NLGN1: variants seen among roughly 807,000 people sequenced by gnomAD.
The protein encoded by NLGN1 is neuroligin 1, also known as neuroligin-1.
A neutral mutation model predicts 65.5 loss-of-function variants in NLGN1; 12 were observed. That is an observed-to-expected ratio of 0.18 (90% confidence interval 0.12 to 0.30). The LOEUF (loss-of-function observed/expected upper bound fraction) is 0.30. Among genes scored for constraint, NLGN1 ranks in the 10% least tolerant of loss-of-function variants. The pLI is 1.00. For missense variants in NLGN1, 750 were observed against 1,007.1 expected (o/e 0.74, Z 3.46); for synonymous variants, 350 against 359.5 (o/e 0.97, Z 0.30).
At chr3:174,079,168 C>G (rs1032941536) in intron 4 of NLGN1, among the ~76,000 whole-genome samples, 1 of 150,936 alleles carries the variant, frequency 6.6e-6, no homozygotes, top group African/African-American at 2.4e-5. Flanking sequence ...CCAGCATCTA[C>G]AAGACACTGA....
intron 4 of NLGN1, among the ~76,000 whole-genome samples, chr3:174,039,424 G>GC (rs1731814965): frequency 1.3e-5 from 2 of 150,814 alleles, no homozygotes; most frequent in Admixed American, 6.6e-5. Flanking sequence ...CTCTCCCCTT[G>GC]CCCCCCATCC....
intron 2 of NLGN1, among the ~76,000 whole-genome samples, chr3:173,512,640 C>T (rs748806753): frequency 2.6e-5 from 4 of 152,114 alleles, no homozygotes; most frequent in Non-Finnish European, 4.4e-5. Flanking sequence ...AAGAACCAAT[C>T]GGGAGAGAGT....
chr3:174,130,515 A>C (rs980187668), intron 4 of NLGN1, among the ~76,000 whole-genome samples: 1 of 152,158 alleles, frequency 6.6e-6, no homozygotes, highest in Non-Finnish European at 1.5e-5. Flanking sequence ...TGGGTGTAAT[A>C]TAATGAAAGA....
intron 4 of NLGN1, among the ~76,000 whole-genome samples, chr3:174,123,444 C>T (rs536585260): frequency 6.6e-6 from 1 of 152,194 alleles, no homozygotes; most frequent in Admixed American, 6.6e-5. Flanking sequence ...TACAATTCTG[C>T]CTTGGGGTTT....
intron 2 of NLGN1, among the ~76,000 whole-genome samples, chr3:173,445,034 C>A (rs1421990779): frequency 2.6e-5 from 4 of 151,120 alleles, no homozygotes; most frequent in Non-Finnish European, 5.9e-5. Flanking sequence ...TTTGGGAGGC[C>A]GAGGCGGGCG....
intron 3 of NLGN1, among the ~76,000 whole-genome samples, chr3:173,698,959 C>A (rs534052695): frequency 1.3e-5 from 2 of 152,214 alleles, no homozygotes; most frequent in Admixed American, 6.5e-5. Flanking sequence ...CAGGTTCAAG[C>A]GATTCTCCTG....
chr3:174,194,415 C>T (rs1373744976), intron 4 of NLGN1, among the ~76,000 whole-genome samples: 1 of 150,850 alleles, frequency 6.6e-6, no homozygotes, highest in East Asian at 2.0e-4. Flanking sequence ...CACCACTGAA[C>T]TCCAGCCTGG....
intron 4 of NLGN1, among the ~76,000 whole-genome samples, chr3:173,809,974 A>C (rs930774708): frequency 6.6e-6 from 1 of 152,082 alleles, no homozygotes; most frequent in South Asian, 2.1e-4. Context: ...CCTCTCCTTT[A>C]TTTCTCTTAA....
intron 3 of NLGN1, among the ~76,000 whole-genome samples, chr3:173,620,665 A>G (rs1405895078): frequency 6.6e-6 from 1 of 152,120 alleles, no homozygotes; most frequent in Non-Finnish European, 1.5e-5. Context: ...AGACATCTAT[A>G]TGAATTTATT....
chr3:173,473,895 C>G (rs1483636636), intron 2 of NLGN1, among the ~76,000 whole-genome samples: 1 of 152,148 alleles, frequency 6.6e-6, no homozygotes, highest in Admixed American at 6.5e-5. Context: ...GGCAGATTTC[C>G]TACCTCTGAA....
chr3:174,276,852 A>ATTG (rs1316295582), intron 5 of NLGN1, among the ~76,000 whole-genome samples: 1 of 151,830 alleles, frequency 6.6e-6, no homozygotes, highest in Non-Finnish European at 1.5e-5. Flanking sequence ...AACAGATTAG[A>ATTG]TTGTTCTAAT....
the NLGN1 span, among the ~76,000 whole-genome samples, chr3:174,292,191 CTT>C: frequency 1.3e-5 from 2 of 151,218 alleles, no homozygotes; most frequent in Admixed American, 1.3e-4. Flanking sequence ...AGAATGAACA[CTT>C]TAAAAAAAGT....
Position 174,241,926 on chromosome 3 carries a change from A to G in NLGN1, c.647-33389A>G, listed in dbSNP as rs575143718. ...GCCCGCCTTGGCCTCCCAAAGTGCT[A>G]GGATTACAGGCGTGAGCCACCGGGC... On this transcript the variant is annotated intron_variant, in intron 4 of 6. Coordinates refer to ENST00000457714, the Ensembl canonical transcript of NLGN1. Among the ~76,000 whole-genome samples the G allele has an allele frequency of 4.9e-4, 74 of 152,156 alleles. 1 individual carries two copies. Among genetic ancestry groups the G allele is most frequent in the South Asian group, 1.9e-3 (9 of 4,818 alleles).
intron 3 of NLGN1, among the ~76,000 whole-genome samples, chr3:173,625,741 A>G (rs1457888389): frequency 2.0e-5 from 3 of 152,176 alleles, no homozygotes; most frequent in South Asian, 2.1e-4. Flanking sequence ...TGGCTAACCT[A>G]TTCACCTGAA....
At chr3:173,883,835 T>TA (rs1248695304) in intron 4 of NLGN1, among the ~76,000 whole-genome samples, 7 of 149,272 alleles carry the variant, frequency 4.7e-5, no homozygotes, top group Admixed American at 4.7e-4. Flanking sequence ...TTTTTTTTTT[T>TA]AGAATTCCAT....
At chr3:173,545,960 G>A (rs1739741638) in intron 2 of NLGN1, among the ~76,000 whole-genome samples, 1 of 152,044 alleles carries the variant, frequency 6.6e-6, no homozygotes, top group Admixed American at 6.6e-5. Flanking sequence ...GGGGGGCTAG[G>A]GAAGGGATAG....
chr3:173,800,622 T>TA (rs774113267), intron 3 of NLGN1, among the ~76,000 whole-genome samples: 34 of 151,776 alleles, frequency 2.2e-4, no homozygotes, highest in Non-Finnish European at 4.4e-4. Flanking sequence ...TGACTTTTGA[T>TA]ATGTTTCATC....
At chr3:173,875,104 T>C (rs1009615047) in intron 4 of NLGN1, among the ~76,000 whole-genome samples, 1 of 152,208 alleles carries the variant, frequency 6.6e-6, no homozygotes, top group African/African-American at 2.4e-5. Flanking sequence ...GCAAGGAATT[T>C]TTCACAAGCC....
At chr3:173,504,073 G>A (rs899009252) in intron 2 of NLGN1, among the ~76,000 whole-genome samples, 1 of 152,100 alleles carries the variant, frequency 6.6e-6, no homozygotes. Flanking sequence ...AATTAATCTT[G>A]ATGAGAAATG....
Sources: gnomAD v4.1 joint callset for allele counts (sites outside exome capture counted in the v4.1 genomes callset) on GRCh38, gnomAD v4.1.1 for gene constraint, MANE v1.5 for transcripts, NCBI Gene and HGNC (gene_info 2026-07-23, HGNC 2026-07-21) for gene names.